The following WRN variants were observed in gnomAD, a reference collection of about 807,000 sequenced individuals.
WRN encodes the protein bifunctional 3'-5' exonuclease/ATP-dependent helicase WRN.
A neutral mutation model predicts 180.7 loss-of-function variants in WRN; 149 were observed. The observed-to-expected ratio is 0.82, with a 90% CI of 0.72 to 0.94. WRN has a LOEUF of 0.94. WRN is among the 40% of genes least tolerant of loss of function. WRN has a pLI of 0.00. For missense variants in WRN, 1,661 were observed against 1,700.1 expected, an observed-to-expected ratio of 0.98 and a Z score of 0.40; for synonymous variants, 548 against 568.9, an observed-to-expected ratio of 0.96 and a Z score of 0.52.
At chr8:31,147,014 G>A (rs779243979) in intron 28 of WRN, 39 bp from the exon 29 acceptor site, 2 of 1,532,958 alleles carry the variant, frequency 1.3e-6, no homozygotes, top group South Asian at 1.2e-5. Flanking sequence ...TGAGGAGAAA[G>A]AAAAGCTTTT....
At chr8:31,053,397 A>T (rs1812149162) in intron 1 of WRN, among the ~76,000 whole-genome samples, 1 of 152,216 alleles carries the variant, frequency 6.6e-6, no homozygotes, top group Non-Finnish European at 1.5e-5. Context: ...ACATTAAATG[A>T]TTACATTAAA....
chr8:31,133,106 G>A (rs940013489), intron 24 of WRN, among the ~76,000 whole-genome samples: 6 of 151,930 alleles, frequency 3.9e-5, no homozygotes, highest in Non-Finnish European at 7.4e-5. Context: ...AAACAACCAC[G>A]GGTACAAATG....
intron 1 of WRN, among the ~76,000 whole-genome samples, chr8:31,047,368 G>A (rs1335502306): frequency 6.6e-6 from 1 of 152,058 alleles, no homozygotes; most frequent in Non-Finnish European, 1.5e-5. Context: ...ACTCAAGCCA[G>A]CCTCCTGCCT....
At chr8:31,068,491 T>A (rs1326518257) in intron 7 of WRN, among the ~76,000 whole-genome samples, 164 bp downstream of exon 7, 1 of 152,182 alleles carries the variant, frequency 6.6e-6, no homozygotes, top group East Asian at 1.9e-4. Flanking sequence ...AAGATGAGTG[T>A]TTCATCTTTG....
intron 7 of WRN, among the ~76,000 whole-genome samples, chr8:31,071,318 A>C (rs1413797143): frequency 6.6e-6 from 1 of 152,058 alleles, no homozygotes; most frequent in East Asian, 1.9e-4. Context: ...GAATTACATT[A>C]AAAAAATAAG....
intron 16 of WRN, 111 bp downstream of exon 16, chr8:31,092,009 C>T (rs1563345636): frequency 2.1e-6 from 2 of 960,452 alleles, no homozygotes; most frequent in East Asian, 5.2e-5. Context: ...TAATTTATGT[C>T]ATTTCTAATC....
At chr8:31,100,498 T>C (rs1814180630) in intron 17 of WRN, among the ~76,000 whole-genome samples, 1 of 152,138 alleles carries the variant, frequency 6.6e-6, no homozygotes, top group African/African-American at 2.4e-5. Flanking sequence ...TGAGATAAAA[T>C]TGAAGGTATT....
intron 5 of WRN, among the ~76,000 whole-genome samples, chr8:31,066,371 A>G (rs952466934): frequency 6.6e-6 from 1 of 151,784 alleles, no homozygotes; most frequent in African/African-American, 2.4e-5. Context: ...TTTTTTTAGT[A>G]GAGACGAGGT....
chr8:31,144,072 C>A (rs1002778061), intron 28 of WRN, among the ~76,000 whole-genome samples: 2 of 152,072 alleles, frequency 1.3e-5, no homozygotes, highest in Admixed American at 1.3e-4. Context: ...TACAGGCATA[C>A]TTTGTTTTAT....
At chr8:31,080,652 A>G (rs891773295) in intron 8 of WRN, among the ~76,000 whole-genome samples, 1 of 152,122 alleles carries the variant, frequency 6.6e-6, no homozygotes, top group Non-Finnish European at 1.5e-5. Context: ...TAAACATACA[A>G]GTCAACTGTT....
chr8:31,092,807 C>T (rs771935537), intron 16 of WRN, among the ~76,000 whole-genome samples: 4 of 152,098 alleles, frequency 2.6e-5, no homozygotes, highest in Admixed American at 6.6e-5. Context: ...ATTTTCTCTA[C>T]CATAGTTTGG....
chr8:31,091,927 T>G (rs767069444), intron 16 of WRN, 29 bp downstream of exon 16: 1 of 1,608,820 alleles, frequency 6.2e-7, no homozygotes, highest in Admixed American at 1.7e-5. Flanking sequence ...TCAACTTTTA[T>G]TTTGGATTTA....
At chr8:31,153,178 C>A (rs1003402615) in intron 31 of WRN, among the ~76,000 whole-genome samples, 47 of 152,100 alleles carry the variant, frequency 3.1e-4, no homozygotes, top group African/African-American at 1.1e-3. Context: ...TAATGAATTT[C>A]CTTTCTAATA....
chr8:31,055,719 G>A (rs370899649), intron 1 of WRN, among the ~76,000 whole-genome samples: 1 of 151,918 alleles, frequency 6.6e-6, no homozygotes, highest in African/African-American at 2.4e-5. Flanking sequence ...TAGGTTGTCT[G>A]TTCACTCTGA....
In WRN at chr8:31,055,868, G is replaced by A. The variant is rs573486245; in HGVS notation, c.-76-2504G>A. On this transcript the variant is annotated intron_variant, in intron 1 of 34. Transcript: ENST00000298139. The stretch of plus-strand genomic sequence containing the variant: ...TTTGACCGAAAATAACCTTTACCTC[G>A]TCAGGAATTACAATCCTCACGTATG... Among the ~76,000 whole-genome samples the A allele has an allele frequency of 4.6e-5, 7 of 152,098 alleles. No individual in the cohort carries two copies. The East Asian group carries it at 9.7e-4, about 21-fold the overall frequency.
intron 33 of WRN, among the ~76,000 whole-genome samples, chr8:31,159,877 G>T (rs1803541965): frequency 6.6e-6 from 1 of 150,900 alleles, no homozygotes; most frequent in Non-Finnish European, 1.5e-5. Flanking sequence ...CTGGGGAGGC[G>T]GAGGTTGCAG....
At chr8:31,165,995 T>TA (rs1428891165) in intron 33 of WRN, among the ~76,000 whole-genome samples, 1 of 152,198 alleles carries the variant, frequency 6.6e-6, no homozygotes, top group Non-Finnish European at 1.5e-5. Context: ...TTAACCCACT[T>TA]ACCTAGTTTC....
Position 31,173,317 on chromosome 8 carries a change from A to G in WRN, c.*215A>G. ...CCTACGTGAGTACATCACCTAACAG[A>G]ATATTAAATTAGACTTCCTGTAAGA... On this transcript the variant is annotated 3_prime_UTR_variant, in exon 35 of 35. Transcript: ENST00000298139. The G allele has an allele frequency of 1.8e-6, 1 of 543,828 alleles. No homozygotes were observed. The highest frequency in any genetic ancestry group is 1.9e-5 in the African/African-American group (1 of 53,072). The allele number at this position is 543,828 out of a possible 1,614,324, so 33.7% of individuals were successfully genotyped here. A position where few individuals can be genotyped will look rare whatever the true frequency, so the allele number is the denominator to read the frequency against.
chr8:31,059,230 T>G lies in WRN; in HGVS notation c.174T>G (p.Asp58Glu). Reference sequence around the variant, plus strand: ...CTGGATCCATTGTGTATAGTTACGATGCTAGTGATTGCTCTTTCCTGTCAG... The same window carrying G: ...CTGGATCCATTGTGTATAGTTACGAGGCTAGTGATTGCTCTTTCCTGTCAG... The part of the protein sequence containing the change: ...EFTGSIVYSY[D>E]ASDCSFLSED... Residue 58 changes from aspartate to glutamate, a missense_variant, in exon 3 of 35, where the codon GAT becomes GAG. Around this residue, in one of 3 missense-constraint regions of WRN, gnomAD observed 500 missense variants for 504.1 expected, o/e 0.99. Coordinates refer to ENST00000298139, the MANE Select transcript of WRN (RefSeq NM_000553.6). The G allele has an allele frequency of 2.5e-6, 4 of 1,613,878 alleles. No individual in the cohort carries two copies. Among genetic ancestry groups the G allele is most frequent in the Non-Finnish European group, 3.4e-6 (4 of 1,179,870 alleles).
Sources: allele counts gnomAD v4.1 joint callset (sites outside exome capture counted in the v4.1 genomes callset), GRCh38; gene constraint gnomAD v4.1.1; regional missense constraint gnomAD v4.1.1; transcripts MANE v1.5; gene names NCBI Gene and HGNC (gene_info 2026-07-23, HGNC 2026-07-21).